The following ZNF569 variants were observed in gnomAD, a reference collection of about 807,000 sequenced individuals.
ZNF569 encodes the protein DNA-binding protein.
Under a neutral mutation model 56.3 loss-of-function variants are expected in ZNF569, and 38 were observed. The observed-to-expected ratio is 0.68, with a 90% confidence interval of 0.52 to 0.88. ZNF569 has a LOEUF of 0.88. Among genes scored for constraint, ZNF569 ranks in the 40% least tolerant of loss-of-function variants. ZNF569 has a pLI of 0.00. For synonymous variants in ZNF569, 241 were observed against 262.9 expected (o/e 0.92, Z 0.81); for missense variants, 666 against 809.2 (o/e 0.82, Z 2.15).
chr19:37,428,077 A>G (rs888031901), intron 3 of ZNF569, among the ~76,000 whole-genome samples: 2 of 152,240 alleles, frequency 1.3e-5, no homozygotes, highest in African/African-American at 4.8e-5. Flanking sequence ...CCCCTAGCTC[A>G]AGAGTGAGAG....
chr19:37,448,116 C>T (rs190729111), intron 2 of ZNF569, among the ~76,000 whole-genome samples: 61 of 152,212 alleles, frequency 4.0e-4, no homozygotes, highest in Middle Eastern at 3.4e-3. Context: ...AAGTCTTCCT[C>T]CTCTTCTATA....
chr19:37,418,302 TA>T (rs1444885278), intron 5 of ZNF569, among the ~76,000 whole-genome samples: 1 of 151,820 alleles, frequency 6.6e-6, no homozygotes, highest in African/African-American at 2.4e-5. Flanking sequence ...GTTAATTGTA[TA>T]GGGGCAAATA....
intron 3 of ZNF569, among the ~76,000 whole-genome samples, chr19:37,435,089 C>T (rs146212935): frequency 1.1e-3 from 166 of 152,138 alleles, no homozygotes; most frequent in African/African-American, 3.5e-3. Context: ...CACGCCACTA[C>T]GCTCCAGCCT....
intron 2 of ZNF569, among the ~76,000 whole-genome samples, chr19:37,449,535 C>G (rs148210873): frequency 1.1e-3 from 164 of 152,200 alleles, no homozygotes; most frequent in African/African-American, 3.5e-3. Context: ...CTGTTAGCTG[C>G]ATACACATTT....
At chr19:37,435,822 A>G (rs1280057963) in intron 3 of ZNF569, among the ~76,000 whole-genome samples, 3 of 152,230 alleles carry the variant, frequency 2.0e-5, no homozygotes, top group African/African-American at 7.2e-5. Flanking sequence ...GTATGCACCC[A>G]ATGTTGGAGC....
At chr19:37,427,121 C>T (rs1366322807) in intron 3 of ZNF569, among the ~76,000 whole-genome samples, 4 of 146,348 alleles carry the variant, frequency 2.7e-5, no homozygotes, top group Non-Finnish European at 5.9e-5. Context: ...AGTTTTGAGA[C>T]GGGCCTGGGC....
intron 3 of ZNF569, among the ~76,000 whole-genome samples, chr19:37,435,763 T>C (rs1444642935): frequency 2.0e-5 from 3 of 152,178 alleles, no homozygotes; most frequent in Non-Finnish European, 4.4e-5. Context: ...GGTCATTACA[T>C]GATGATAAAG....
intron 3 of ZNF569, among the ~76,000 whole-genome samples, chr19:37,428,761 G>A (rs903450675): frequency 6.7e-6 from 1 of 149,520 alleles, no homozygotes; most frequent in East Asian, 2.0e-4. Context: ...TACAACCTCC[G>A]TCTCCTGGAT....
At chr19:37,419,856 A>T (rs2146870614) in intron 5 of ZNF569, among the ~76,000 whole-genome samples, 1 of 152,114 alleles carries the variant, frequency 6.6e-6, no homozygotes, top group Admixed American at 6.5e-5. Flanking sequence ...GTGAGTCATA[A>T]TCTTTTTGCT....
At chr19:37,444,297 A>G (rs2041456351) in intron 3 of ZNF569, among the ~76,000 whole-genome samples, 1 of 152,088 alleles carries the variant, frequency 6.6e-6, no homozygotes, top group Non-Finnish European at 1.5e-5. Context: ...ATGGAACCCT[A>G]TGATATATAC....
chr19:37,454,750 G>C (rs984217460), intron 2 of ZNF569: 1 of 674,532 alleles, frequency 1.5e-6, no homozygotes, highest in Admixed American at 2.2e-5. Context: ...AATTTTGCAA[G>C]TCCCCCAGTG....
chr19:37,416,548 C>A (rs1410427092), intron 5 of ZNF569, among the ~76,000 whole-genome samples: 1 of 152,066 alleles, frequency 6.6e-6, no homozygotes, highest in African/African-American at 2.4e-5. Flanking sequence ...TTATGTGTAT[C>A]TTTCTGTATA....
rs116280475 is a variant in ZNF569 at position 37,414,618 on chromosome 19, G to A, written c.239-199C>T. 6.9e-3 allele frequency among the ~76,000 whole-genome samples: 1,054 copies of A among 152,132 alleles called. 14 individuals are homozygous for A. The highest frequency in any genetic ancestry group is 0.024 in the African/African-American group (986 of 41,500). ...AAATTCAGGAAAGGAAATATGAGTAGAGGCATATATTTATAAATACAAATA... is the reference window on the plus strand; with the variant it reads ...AAATTCAGGAAAGGAAATATGAGTAAAGGCATATATTTATAAATACAAATA... On this transcript the variant is annotated intron_variant, in intron 5 of 5. Coordinates refer to ENST00000316950, the MANE Select transcript of ZNF569 (RefSeq NM_152484.3).
Position 37,440,153 on chromosome 19 carries a change from T to C in ZNF569, c.15+4754A>G, listed in dbSNP as rs558250434. Among the ~76,000 whole-genome samples the C allele has an allele frequency of 8.5e-5, 13 of 152,188 alleles. No homozygotes were observed. The South Asian group carries it at 1.2e-3, about 15-fold the overall frequency. ...CCTGTATCAAAATACCTCATGTACC[T>C]CATAAATGTATACCTCATACATGTA... On this transcript the variant is annotated intron_variant, in intron 3 of 5. Coordinates refer to ENST00000316950, the MANE Select transcript of ZNF569 (RefSeq NM_152484.3).
At chr19:37,465,554 A>G (rs769040148) in intron 1 of ZNF569, 81 bp from the exon 2 acceptor site, 5 of 152,256 alleles carry the variant, frequency 3.3e-5, no homozygotes, top group Non-Finnish European at 7.3e-5. Flanking sequence ...CTTGACTTCA[A>G]TAAGTAATGA....
intron 5 of ZNF569, among the ~76,000 whole-genome samples, chr19:37,423,413 A>G (rs932643153): frequency 2.4e-4 from 36 of 149,308 alleles, no homozygotes; most frequent in African/African-American, 8.7e-4. Flanking sequence ...CCAGTCTAAC[A>G]TTGACATTAA....
intron 2 of ZNF569, among the ~76,000 whole-genome samples, chr19:37,457,728 C>G (rs923416779): frequency 1.3e-5 from 2 of 151,582 alleles, no homozygotes; most frequent in Non-Finnish European, 2.9e-5. Context: ...AGGAGATATA[C>G]CTAATGTGAA....
At chr19:37,418,875 C>T (rs1228993602) in intron 5 of ZNF569, among the ~76,000 whole-genome samples, 1 of 152,120 alleles carries the variant, frequency 6.6e-6, no homozygotes, top group Non-Finnish European at 1.5e-5. Flanking sequence ...CAAAAGTTTA[C>T]GTACTTAATA....
At chr19:37,446,377 G>A (rs964198396) in intron 2 of ZNF569, among the ~76,000 whole-genome samples, 32 of 151,708 alleles carry the variant, frequency 2.1e-4, no homozygotes, top group African/African-American at 3.4e-4. Context: ...GTGAAACCCC[G>A]TCTCTACTAA....
Sources: allele counts gnomAD v4.1 joint callset (sites outside exome capture counted in the v4.1 genomes callset), GRCh38; gene constraint gnomAD v4.1.1; transcripts MANE v1.5; gene names NCBI Gene and HGNC (gene_info 2026-07-23, HGNC 2026-07-21).